NKAIN3: variants seen among roughly 807,000 people sequenced by gnomAD.
The protein encoded by NKAIN3 is sodium/potassium-transporting ATPase subunit beta-1-interacting protein 3.
Under a neutral mutation model 30.2 loss-of-function variants are expected in NKAIN3, and 25 were observed. That is an observed-to-expected ratio of 0.83 (90% confidence interval 0.60 to 1.16). The LOEUF (loss-of-function observed/expected upper bound fraction) is 1.16. Among genes scored for constraint, NKAIN3 ranks in the 50% most tolerant of loss-of-function variants. The pLI is 0.00. For missense variants in NKAIN3, 225 were observed against 254.1 expected (o/e 0.89, Z 0.78); for synonymous variants, 91 against 89.6 (o/e 1.02, Z -0.09).
intron 5 of NKAIN3, among the ~76,000 whole-genome samples, chr8:62,992,801 C>T (rs1824348146): frequency 6.6e-6 from 1 of 150,410 alleles, no homozygotes; most frequent in South Asian, 2.1e-4. Flanking sequence ...ATCCCTTCTG[C>T]TAGTTAAAGG....
Position 62,489,247 on chromosome 8 carries a change from G to A in NKAIN3, c.55-90292G>A, listed in dbSNP as rs541609475. 6.0e-5 allele frequency among the ~76,000 whole-genome samples: 9 copies of A among 150,806 alleles called. No homozygotes were observed. The South Asian group carries it at 1.7e-3, about 28-fold the overall frequency. ...TCACCATGTTAGCCAGGATGGTCTC[G>A]ATCTCCTGACCTCGTGATCTGCCCG... On this transcript the variant is annotated intron_variant, in intron 1 of 6. Coordinates refer to ENST00000623646, the MANE Select transcript of NKAIN3 (RefSeq NM_001304533.3).
intron 5 of NKAIN3, among the ~76,000 whole-genome samples, chr8:62,943,567 C>T (rs994512508): frequency 6.1e-5 from 9 of 147,266 alleles, no homozygotes; most frequent in Admixed American, 1.3e-4. Flanking sequence ...AGTCATTATA[C>T]GAAAAAGACA....
At position 62,851,070 on chromosome 8, in the gene NKAIN3, G is replaced by A. The variant is rs561087923; in HGVS notation, c.472-67383G>A. On this transcript the variant is annotated intron_variant, in intron 4 of 6. Coordinates refer to ENST00000623646, the MANE Select transcript of NKAIN3 (RefSeq NM_001304533.3). ...GCAGTATGGCCATTTTCACAATATT[G>A]ATTCTTCCTACCCATGAGCATGGAA... 7.1e-4 allele frequency among the ~76,000 whole-genome samples: 108 copies of A among 152,026 alleles called. 2 individuals carry two copies. Among genetic ancestry groups the A allele is most frequent in the African/African-American group, 2.6e-3 (106 of 41,474 alleles).
At chr8:62,484,991 A>G (rs890176585) in intron 1 of NKAIN3, among the ~76,000 whole-genome samples, 3 of 152,174 alleles carry the variant, frequency 2.0e-5, no homozygotes, top group Non-Finnish European at 4.4e-5. Context: ...TCTGTCATTG[A>G]ATTTACCACA....
In NKAIN3 at chr8:62,977,962, G is replaced by A. The variant is rs552161178; in HGVS notation, c.*12555G>A. ...CTGTTTGTTAATTTTCTTTCTAACA[G>A]TCAGGCCCTTCTTCTGCTGGTCTGC... On this transcript the variant is annotated 3_prime_UTR_variant, in exon 7 of 7. Transcript: ENST00000623646. 6.6e-6 allele frequency: 1 copy of A among 152,536 alleles called. No homozygotes were observed. Among genetic ancestry groups the A allele is most frequent in the South Asian group, 2.1e-4 (1 of 4,820 alleles). The allele number at this position is 152,536 out of a possible 1,614,324, so 9.4% of individuals were successfully genotyped here.
chr8:62,679,185 G>A (rs1487823070), intron 3 of NKAIN3, among the ~76,000 whole-genome samples: 2 of 152,172 alleles, frequency 1.3e-5, no homozygotes, highest in African/African-American at 4.8e-5. Context: ...TAAAGGGGCA[G>A]CACAAAATGG....
At chr8:62,883,169 A>T (rs1327767216) in intron 4 of NKAIN3, among the ~76,000 whole-genome samples, 1 of 152,140 alleles carries the variant, frequency 6.6e-6, no homozygotes, top group Non-Finnish European at 1.5e-5. Context: ...CATGGTGATG[A>T]TATTGAGTCT....
In NKAIN3 at chr8:62,665,211, T is replaced by C. The variant is rs547962343; in HGVS notation, c.273+75417T>C. ...AGTAAAACATCTCAATCTTATTATC[T>C]CCTAAGCAGACTATTTATTCTTGTT... On this transcript the variant is annotated intron_variant, in intron 3 of 6. Transcript: ENST00000623646. Among the ~76,000 whole-genome samples the C allele has an allele frequency of 3.9e-5, 6 of 152,300 alleles. No individual in the cohort carries two copies. In the South Asian group the frequency reaches 8.3e-4, roughly 21 times the overall value.
intron 1 of NKAIN3, among the ~76,000 whole-genome samples, chr8:62,395,511 G>C (rs1433094703): frequency 6.6e-6 from 1 of 152,194 alleles, no homozygotes; most frequent in Non-Finnish European, 1.5e-5. Context: ...CCATTGTACA[G>C]ATTTAAAATT....
intron 1 of NKAIN3, among the ~76,000 whole-genome samples, chr8:62,571,764 G>A (rs950624510): frequency 1.3e-5 from 2 of 152,118 alleles, no homozygotes; most frequent in African/African-American, 2.4e-5. Context: ...CAAGGCTTGG[G>A]GCTTGCACCC....
chr8:62,292,121 C>T (rs576318343), intron 1 of NKAIN3, among the ~76,000 whole-genome samples: 1 of 152,216 alleles, frequency 6.6e-6, no homozygotes, highest in African/African-American at 2.4e-5. Flanking sequence ...TATTTTGAGC[C>T]TACATGTATC....
At chr8:62,693,429 A>G (rs2130448530) in intron 3 of NKAIN3, among the ~76,000 whole-genome samples, 1 of 152,300 alleles carries the variant, frequency 6.6e-6, no homozygotes, top group Middle Eastern at 3.4e-3. Context: ...TCTTGTTTTC[A>G]TGTGACTTGC....
chr8:62,653,114 C>T (rs1812672610), intron 3 of NKAIN3, among the ~76,000 whole-genome samples: 1 of 152,142 alleles, frequency 6.6e-6, no homozygotes. Flanking sequence ...TTAGTCAGCT[C>T]AGGCTGCCAT....
At chr8:62,691,657 G>A (rs533542909) in intron 3 of NKAIN3, among the ~76,000 whole-genome samples, 1 of 152,222 alleles carries the variant, frequency 6.6e-6, no homozygotes, top group African/African-American at 2.4e-5. Context: ...TCTGGGTTCT[G>A]TCTTCCTCTG....
At chr8:62,500,202 A>G (rs1807382060) in intron 1 of NKAIN3, among the ~76,000 whole-genome samples, 1 of 152,038 alleles carries the variant, frequency 6.6e-6, no homozygotes, top group African/African-American at 2.4e-5. Context: ...CAGTGCCAGA[A>G]TGAGCTAGTG....
In NKAIN3 at chr8:62,755,007, A is replaced by T. The variant is rs73683241; in HGVS notation, c.471+7878A>T. The stretch of plus-strand genomic sequence containing the variant: ...GTAAATATAGTTAAAAGATTTTTTT[A>T]AATTTCTGTGTTAACATTTGCATTT... On this transcript the variant is annotated intron_variant, in intron 4 of 6. Transcript: ENST00000623646. 9.9e-3 allele frequency among the ~76,000 whole-genome samples: 1,510 copies of T among 152,306 alleles called. 22 individuals carry two copies. Among genetic ancestry groups the T allele is most frequent in the African/African-American group, 0.034 (1,422 of 41,562 alleles).
At chr8:62,618,051 C>T (rs555134955) in intron 3 of NKAIN3, among the ~76,000 whole-genome samples, 2 of 152,300 alleles carry the variant, frequency 1.3e-5, no homozygotes, top group South Asian at 4.1e-4. Context: ...TATATTCTCA[C>T]GGTTCTGTCA....
intron 3 of NKAIN3, among the ~76,000 whole-genome samples, chr8:62,654,721 C>T (rs528266506): frequency 1.3e-5 from 2 of 152,074 alleles, no homozygotes; most frequent in Non-Finnish European, 2.9e-5. Context: ...TTCAGGCAAA[C>T]AAGATTTTCA....
At chr8:62,544,740 AT>A (rs879437875) in intron 1 of NKAIN3, among the ~76,000 whole-genome samples, 1 of 150,846 alleles carries the variant, frequency 6.6e-6, no homozygotes, top group Non-Finnish European at 1.5e-5. Context: ...CTTGAACAAC[AT>A]GGGGCACTGA....
Sources: allele counts gnomAD v4.1 joint callset (sites outside exome capture counted in the v4.1 genomes callset), GRCh38; gene constraint gnomAD v4.1.1; transcripts MANE v1.5; gene names NCBI Gene and HGNC (gene_info 2026-07-23, HGNC 2026-07-21).